The following C8orf34 variants were observed in gnomAD, a reference collection of about 807,000 sequenced individuals.
C8orf34 encodes uncharacterized protein C8orf34.
C8orf34 carries 65 observed loss-of-function variants against 68.3 expected under a neutral mutation model. The observed-to-expected ratio is 0.95, with a 90% CI of 0.78 to 1.17. C8orf34 has a LOEUF of 1.17. Among genes scored for constraint, C8orf34 ranks in the 50% most tolerant of loss-of-function variants. The pLI, the probability that C8orf34 is intolerant of heterozygous loss-of-function variation, is 0.00. For synonymous variants in C8orf34, 244 were observed against 241.2 expected, an observed-to-expected ratio of 1.01 and a Z score of -0.11; for missense variants, 664 against 655.4, an observed-to-expected ratio of 1.01 and a Z score of -0.14.
In C8orf34 at chr8:68,701,269, G is replaced by A. The variant is rs148610451; in HGVS notation, c.1242-7725G>A. On this transcript the variant is annotated intron_variant, in intron 8 of 13. Transcript: ENST00000518698. ...TCTCTACACCTCTACCTACCTGTCT[G>A]AAATGCATTTTATTGGTTTACTTAT... is the stretch of plus-strand genomic sequence containing the variant. Among the ~76,000 whole-genome samples the A allele has an allele frequency of 1.4e-3, 214 of 152,136 alleles. 3 individuals are homozygous for A. The highest frequency in any genetic ancestry group is 0.011 in the Admixed American group (163 of 15,244).
chr8:68,454,446 G>A (rs1316152363), intron 3 of C8orf34, among the ~76,000 whole-genome samples: 1 of 151,916 alleles, frequency 6.6e-6, no homozygotes, highest in African/African-American at 2.4e-5. Context: ...ATCTTTACTT[G>A]TTATAAGTCT....
chr8:68,776,431 G>A lies in C8orf34; in HGVS notation c.1437G>A (p.Leu479=), dbSNP rs147613223. ...GEASSGVGHS[L]KNYMEEDESL... is the part of the protein sequence containing the mutation. ...CCTCCAGTGGAGTAGGACACTCACT[G>A]AAAAACTACATGGAAGAAGTGAGTT... is the stretch of plus-strand genomic sequence containing the variant. The change falls in exon 11 of 14, where the codon CTG becomes CTA. Residue 479 remains leucine, a synonymous_variant. Coordinates refer to ENST00000518698, the MANE Select transcript of C8orf34 (RefSeq NM_052958.4). The A allele has an allele frequency of 1.9e-6, 3 of 1,613,082 alleles. No individual in the cohort carries two copies. Among genetic ancestry groups the A allele is most frequent in the African/African-American group, 1.3e-5 (1 of 74,876 alleles).
chr8:68,375,422 C>CTTTTA, intron 1 of C8orf34, among the ~76,000 whole-genome samples: 2 of 152,270 alleles, frequency 1.3e-5, no homozygotes, highest in South Asian at 4.2e-4. Context: ...TTCTGATAAT[C>CTTTTA]CCTAACAAAT....
At chr8:68,813,749 C>CTATAG (rs1400036551) in intron 12 of C8orf34, among the ~76,000 whole-genome samples, 1 of 152,114 alleles carries the variant, frequency 6.6e-6, no homozygotes, top group Non-Finnish European at 1.5e-5. Context: ...ATCCTGGTCA[C>CTATAG]TATAGTCTTA....
intron 8 of C8orf34, among the ~76,000 whole-genome samples, chr8:68,648,623 A>G (rs78912279): frequency 6.6e-6 from 1 of 152,172 alleles, no homozygotes; most frequent in Admixed American, 6.5e-5. Context: ...CATGCTTAAC[A>G]TCAATAGTGC....
chr8:68,449,594 C>A (rs1811262250), intron 3 of C8orf34, among the ~76,000 whole-genome samples: 1 of 151,894 alleles, frequency 6.6e-6, no homozygotes, highest in East Asian at 1.9e-4. Context: ...TTTTGTTTCC[C>A]AGCACATAAA....
Position 68,654,412 on chromosome 8 carries a change from A to G in C8orf34, c.1241+13901A>G, listed in dbSNP as rs1585679427. 2.0e-5 allele frequency among the ~76,000 whole-genome samples: 3 copies of G among 152,160 alleles called. No homozygotes were observed. In the Middle Eastern group the frequency reaches 0.01, roughly 518 times the overall value. ...CTTTTATTTTTCAGCTTCATTTTTT[A>G]TCTTTTTCTGCTTTCTGCCCTTGTT... On this transcript the variant is annotated intron_variant, in intron 8 of 13. Coordinates refer to ENST00000518698, the MANE Select transcript of C8orf34 (RefSeq NM_052958.4).
chr8:68,416,250 C>T (rs1020736363), intron 1 of C8orf34, among the ~76,000 whole-genome samples: 5 of 152,118 alleles, frequency 3.3e-5, no homozygotes, highest in Non-Finnish European at 7.4e-5. Flanking sequence ...AATCCTCACT[C>T]GTGGCAGCAT....
Position 68,463,559 on chromosome 8 carries a change from T to G in C8orf34, c.608-5133T>G, listed in dbSNP as rs182023172. Among the ~76,000 whole-genome samples the G allele has an allele frequency of 4.7e-3, 716 of 152,224 alleles. 3 individuals are homozygous for G. The highest frequency in any genetic ancestry group is 0.031 in the Middle Eastern group (9 of 294). On this transcript the variant is annotated intron_variant, in intron 3 of 13. Coordinates refer to ENST00000518698, the MANE Select transcript of C8orf34 (RefSeq NM_052958.4). ...AATCCTCAATAAAATACTGGCAAAC[T>G]GAATCCAGCAGCATATCAAAAAGCT...
intron 5 of C8orf34, among the ~76,000 whole-genome samples, chr8:68,495,662 A>G (rs146486511): frequency 6.6e-6 from 1 of 152,362 alleles, no homozygotes; most frequent in East Asian, 1.9e-4. Context: ...AGTTTAACAG[A>G]TGGAATAACA....
intron 7 of C8orf34, chr8:68,534,640 G>T: frequency 1.0e-6 from 1 of 985,474 alleles, no homozygotes. Context: ...CAGCAGGTGG[G>T]GTGTGGTCAT....
At chr8:68,426,727 G>A (rs2129624303) in intron 1 of C8orf34, among the ~76,000 whole-genome samples, 1 of 151,840 alleles carries the variant, frequency 6.6e-6, no homozygotes, top group East Asian at 1.9e-4. Context: ...AAATTAGCTG[G>A]GTGTGGTGGT....
At chr8:68,720,320 G>A (rs1310600950) in intron 9 of C8orf34, among the ~76,000 whole-genome samples, 1 of 151,930 alleles carries the variant, frequency 6.6e-6, no homozygotes, top group African/African-American at 2.4e-5. Context: ...ATCAGAGATA[G>A]AGAGCACTCC....
intron 9 of C8orf34, among the ~76,000 whole-genome samples, chr8:68,714,954 A>G (rs1563625827): frequency 6.6e-6 from 1 of 152,114 alleles, no homozygotes; most frequent in Non-Finnish European, 1.5e-5. Context: ...AGAATAGAGA[A>G]CCCAGAAATA....
intron 7 of C8orf34, among the ~76,000 whole-genome samples, chr8:68,556,166 G>A (rs1816244391): frequency 6.6e-6 from 1 of 150,754 alleles, no homozygotes; most frequent in Non-Finnish European, 1.5e-5. Flanking sequence ...AAAAATTATG[G>A]CCAAAAAGTA....
intron 1 of C8orf34, among the ~76,000 whole-genome samples, chr8:68,414,839 T>C (rs1809597395): frequency 6.6e-6 from 1 of 152,152 alleles, no homozygotes; most frequent in South Asian, 2.1e-4. Flanking sequence ...ACCTGTGATA[T>C]CAACTTGTCC....
chr8:68,465,641 G>A (rs1222823764), intron 3 of C8orf34, among the ~76,000 whole-genome samples: 1 of 152,092 alleles, frequency 6.6e-6, no homozygotes, highest in African/African-American at 2.4e-5. Flanking sequence ...ATGAGTTCAT[G>A]TCCTTTGTAG....
At chr8:68,336,722 A>G (rs562776565) in intron 1 of C8orf34, among the ~76,000 whole-genome samples, 1 of 152,284 alleles carries the variant, frequency 6.6e-6, no homozygotes, top group East Asian at 1.9e-4. Context: ...GTTTCTAAAT[A>G]CCATTCTCCA....
chr8:68,678,501 T>C (rs991922102), intron 8 of C8orf34, among the ~76,000 whole-genome samples: 1 of 152,166 alleles, frequency 6.6e-6, no homozygotes. Context: ...ATCATTTCAA[T>C]TGATGATAAA....
Sources: gnomAD v4.1 joint callset for allele counts (sites outside exome capture counted in the v4.1 genomes callset) on GRCh38, gnomAD v4.1.1 for gene constraint, MANE v1.5 for transcripts, NCBI Gene and HGNC (gene_info 2026-07-23, HGNC 2026-07-21) for gene names.